Variants in CADPS observed in about 807,000 individuals in gnomAD.
The protein encoded by CADPS is calcium dependent secretion activator, also known as calcium-dependent secretion activator 1.
Under a neutral mutation model 167.3 loss-of-function variants are expected in CADPS, and 57 were observed. The ratio of observed to expected loss-of-function variants is 0.34; its 90% CI spans 0.28 to 0.42. CADPS has a LOEUF of 0.42. CADPS is among the 20% of genes least tolerant of loss of function. The probability of loss-of-function intolerance (pLI) is 1.00; values close to 1 mark genes in which losing one functional copy is unlikely to be tolerated. For synonymous variants in CADPS, 676 were observed against 635.3 expected (o/e 1.06, Z -0.96); for missense variants, 1,414 against 1,738.1 (o/e 0.81, Z 3.32).
At chr3:62,497,972 G>A (rs2098251379) in intron 18 of CADPS, among the ~76,000 whole-genome samples, 2 of 152,154 alleles carry the variant, frequency 1.3e-5, no homozygotes, top group South Asian at 2.1e-4. Flanking sequence ...CATTGACCCT[G>A]CCGTGGAGGG....
intron 3 of CADPS, among the ~76,000 whole-genome samples, chr3:62,687,370 A>T (rs1222850356): frequency 2.6e-5 from 4 of 152,110 alleles, no homozygotes; most frequent in African/African-American, 9.7e-5. Context: ...TGGGGCAAGA[A>T]ATACTGCAAA....
In CADPS at chr3:62,518,261, A is replaced by G. The variant is rs752192512; in HGVS notation, c.2292-11T>C. On this transcript the variant is annotated splice_polypyrimidine_tract_variant and intron_variant, in intron 13 of 29. Coordinates refer to ENST00000383710, the MANE Select transcript of CADPS (RefSeq NM_003716.4). ...CCAATTCCATCAGGCCTGAAAGAAG[A>G]CATGTCATGAAATGACGGGAACCTC... is the stretch of plus-strand genomic sequence containing the variant. 4 of 1,598,570 alleles carry G rather than the reference A, an allele frequency of 2.5e-6. No individual in the cohort carries two copies. The highest frequency in any genetic ancestry group is 1.3e-5 in the African/African-American group (1 of 74,468).
chr3:62,443,277 T>C (rs959247970), intron 27 of CADPS, among the ~76,000 whole-genome samples: 3 of 152,220 alleles, frequency 2.0e-5, no homozygotes, highest in African/African-American at 4.8e-5. Flanking sequence ...ATTGTGAAGA[T>C]AAAATGTAAA....
intron 28 of CADPS, among the ~76,000 whole-genome samples, chr3:62,429,152 C>G (rs1003201562): frequency 6.6e-6 from 1 of 152,010 alleles, no homozygotes; most frequent in Non-Finnish European, 1.5e-5. Flanking sequence ...TACACGCACA[C>G]TGGGTTGCAA....
intron 3 of CADPS, among the ~76,000 whole-genome samples, chr3:62,739,278 T>C (rs2079669246): frequency 6.6e-6 from 1 of 152,204 alleles, no homozygotes; most frequent in Non-Finnish European, 1.5e-5. Context: ...CATAGTCATC[T>C]GGCCTTCTAA....
At chr3:62,417,280 T>C (rs1307887262) in intron 28 of CADPS, among the ~76,000 whole-genome samples, 19,233 of 107,264 alleles carry the variant, frequency 0.18, 5,313 homozygotes, top group South Asian at 0.28. Context: ...TTTACTCTTT[T>C]TTTTTTTTTT....
At chr3:62,806,338 CAT>C (rs1416575249) in intron 1 of CADPS, among the ~76,000 whole-genome samples, 1 of 140,392 alleles carries the variant, frequency 7.1e-6, no homozygotes, top group Non-Finnish European at 1.5e-5. Flanking sequence ...GCCTGGGCAA[CAT>C]AGCAAGACCT....
At chr3:62,806,757 AT>A (rs1437059366) in intron 1 of CADPS, among the ~76,000 whole-genome samples, 1 of 152,092 alleles carries the variant, frequency 6.6e-6, no homozygotes, top group Admixed American at 6.5e-5. Flanking sequence ...AACCAATGTG[AT>A]TTTTTTAAAA....
intron 3 of CADPS, 30 bp from the exon 4 acceptor site, chr3:62,662,424 T>G: frequency 1.2e-6 from 2 of 1,603,674 alleles, no homozygotes; most frequent in Non-Finnish European, 1.7e-6. Flanking sequence ...TTGAGACTTT[T>G]AGTTTGGGTC....
At chr3:62,840,764 A>G (rs2076543047) in intron 1 of CADPS, among the ~76,000 whole-genome samples, 1 of 152,214 alleles carries the variant, frequency 6.6e-6, no homozygotes, top group Non-Finnish European at 1.5e-5. Flanking sequence ...CTGGAGCAGC[A>G]GAACTGTGTC....
chr3:62,773,123 T>C (rs2089352215), intron 1 of CADPS, among the ~76,000 whole-genome samples: 1 of 152,092 alleles, frequency 6.6e-6, no homozygotes. Context: ...GCAATGTTTA[T>C]TTAATTTCTT....
chr3:62,464,555 T>A (rs2059730718), intron 26 of CADPS, among the ~76,000 whole-genome samples: 1 of 152,170 alleles, frequency 6.6e-6, no homozygotes. Context: ...CCCGAAGCAG[T>A]CCATTTATAG....
rs2153226118 is a variant in CADPS at position 62,874,153 on chromosome 3, G to A, written c.441+436C>T. Among the ~76,000 whole-genome samples the A allele has an allele frequency of 6.6e-6, 1 of 152,240 alleles. No individual in the cohort carries two copies. The highest frequency in any genetic ancestry group is 2.1e-4 in the South Asian group (1 of 4,832). ...CCCCCACCTGCCGTTGCCCCCGCCC[G>A]CCGAACGCACGCCCAGGAGGGCGGG... On this transcript the variant is annotated intron_variant, in intron 1 of 29. Transcript: ENST00000383710. This position sits in a 1 kb window ranked among gnomAD's most constrained non-coding sequence, Gnocchi z 7.1.
At chr3:62,711,465 C>G (rs1456046969) in intron 3 of CADPS, among the ~76,000 whole-genome samples, 2 of 152,182 alleles carry the variant, frequency 1.3e-5, no homozygotes, top group East Asian at 3.9e-4. Context: ...CATGGACCTC[C>G]TAAATATAAT....
intron 4 of CADPS, among the ~76,000 whole-genome samples, chr3:62,661,667 G>C (rs1020402088): frequency 6.6e-6 from 1 of 152,112 alleles, no homozygotes; most frequent in African/African-American, 2.4e-5. Flanking sequence ...AGTTTTATCC[G>C]GGCAACTGTG....
intron 26 of CADPS, among the ~76,000 whole-genome samples, chr3:62,462,272 G>A (rs1383442239): frequency 6.6e-6 from 1 of 152,264 alleles, no homozygotes; most frequent in Non-Finnish European, 1.5e-5. Context: ...AAGCTGGTGA[G>A]GGAGGAGAGG....
At chr3:62,804,476 A>T (rs2152825925) in intron 1 of CADPS, among the ~76,000 whole-genome samples, 1 of 152,246 alleles carries the variant, frequency 6.6e-6, no homozygotes, top group Non-Finnish European at 1.5e-5. Context: ...ATGTTGAAGG[A>T]CAGCCCTTAT....
chr3:62,477,682 C>T (rs2061498341), intron 23 of CADPS, among the ~76,000 whole-genome samples: 1 of 152,160 alleles, frequency 6.6e-6, no homozygotes, highest in Non-Finnish European at 1.5e-5. Flanking sequence ...AATCTATGTG[C>T]AGGCAAAATG....
At chr3:62,626,632 T>C (rs1185695207) in intron 6 of CADPS, 2 of 698,314 alleles carry the variant, frequency 2.9e-6, no homozygotes, top group African/African-American at 3.5e-5. Flanking sequence ...GCCTTTTTTG[T>C]TGTACAAAGA....
Sources: gnomAD v4.1 joint callset for allele counts (sites outside exome capture counted in the v4.1 genomes callset) on GRCh38, gnomAD v4.1.1 for gene constraint, Gnocchi (gnomAD v3.1) non-coding constraint, MANE v1.5 for transcripts, NCBI Gene and HGNC (gene_info 2026-07-23, HGNC 2026-07-21) for gene names.